The following EPHB2 variants were observed in gnomAD, a reference collection of about 807,000 sequenced individuals.
EPHB2 encodes the protein EPH receptor B2.
A neutral mutation model predicts 96.4 loss-of-function variants in EPHB2; 18 were observed. The observed-to-expected ratio is 0.19, with a 90% confidence interval of 0.13 to 0.28. The LOEUF is 0.28. EPHB2 is among the 10% of genes least tolerant of loss of function. The probability of loss-of-function intolerance (pLI) is 1.00; values close to 1 mark genes in which losing one functional copy is unlikely to be tolerated. For missense variants in EPHB2, 989 were observed against 1,355.4 expected (o/e 0.73, Z 4.25); for synonymous variants, 506 against 534.1 (o/e 0.95, Z 0.72).
chr1:22,805,287 G>A (rs1038567026), intron 3 of EPHB2, among the ~76,000 whole-genome samples: 3 of 152,146 alleles, frequency 2.0e-5, no homozygotes, highest in African/African-American at 7.2e-5. Flanking sequence ...GACCCCATTT[G>A]TGTGTCTCTG....
intron 1 of EPHB2, among the ~76,000 whole-genome samples, chr1:22,749,788 A>G (rs924409734): frequency 6.6e-6 from 1 of 152,110 alleles, no homozygotes; most frequent in African/African-American, 2.4e-5. Context: ...CAGACCCTAT[A>G]CTGGGGGCTG....
intron 3 of EPHB2, among the ~76,000 whole-genome samples, chr1:22,825,506 A>G (rs559932550): frequency 3.0e-4 from 45 of 152,288 alleles, no homozygotes; most frequent in Non-Finnish European, 5.3e-4. Flanking sequence ...CTTTGCTGCT[A>G]CCTTCAAGTC....
intron 1 of EPHB2, among the ~76,000 whole-genome samples, chr1:22,726,329 C>A (rs780557006): frequency 3.9e-5 from 6 of 152,172 alleles, no homozygotes; most frequent in Non-Finnish European, 4.4e-5. Flanking sequence ...ACCGTTAAGT[C>A]CCCACTAAGT....
In EPHB2 at chr1:22,764,908, G is replaced by A. The variant is rs376907144; in HGVS notation, c.62-16513G>A. Reference sequence around the variant, plus strand: ...GGCAGATACAAGAACTGCTTGATGGGGTTTCACCCTCGCCAGTTTGGGTTC... The same window carrying A: ...GGCAGATACAAGAACTGCTTGATGGAGTTTCACCCTCGCCAGTTTGGGTTC... On this transcript the variant is annotated intron_variant, in intron 1 of 15. Coordinates refer to ENST00000374630, the MANE Select transcript of EPHB2 (RefSeq NM_017449.5). Among the ~76,000 whole-genome samples the A allele has an allele frequency of 7.4e-4, 112 of 152,276 alleles. No individual in the cohort carries two copies. In the South Asian group the frequency reaches 8.1e-3, roughly 11 times the overall value.
intron 3 of EPHB2, among the ~76,000 whole-genome samples, chr1:22,857,177 A>T (rs1231610590): frequency 6.6e-6 from 1 of 152,180 alleles, no homozygotes; most frequent in African/African-American, 2.4e-5. Context: ...GTCAGGGTTT[A>T]ATGATCTCAA....
At chr1:22,788,764 T>G (rs879435402) in intron 3 of EPHB2, among the ~76,000 whole-genome samples, 132 of 151,052 alleles carry the variant, frequency 8.7e-4, no homozygotes, top group Admixed American at 1.9e-3. Flanking sequence ...TTTTTTTTTT[T>G]TTTTTTTTGT....
intron 5 of EPHB2, among the ~76,000 whole-genome samples, chr1:22,874,605 C>T (rs1638778952): frequency 1.3e-5 from 2 of 152,156 alleles, no homozygotes; most frequent in South Asian, 4.1e-4. Context: ...GGCATCCTGT[C>T]GGTCTCTTCC....
At position 22,918,183 on chromosome 1, in the gene EPHB2, A is replaced by G. The variant is rs1640316660; in HGVS notation, c.*4613A>G. 1 of 151,736 alleles carries G rather than the reference A, an allele frequency of 6.6e-6. No individual in the cohort carries two copies. The highest frequency in any genetic ancestry group is 1.5e-5 in the Non-Finnish European group (1 of 67,968). The allele number at this position is 151,736 out of a possible 1,614,324, so 9.4% of individuals were successfully genotyped here. A position where few individuals can be genotyped will look rare whatever the true frequency, so the allele number is the denominator to read the frequency against. ...AGGAATTGCCCCCGGAGCGGCCCTC[A>G]TTTATTCCAGGAGAAGCCAGGCCCT... is the stretch of plus-strand genomic sequence containing the variant. On this transcript the variant is annotated 3_prime_UTR_variant, in exon 16 of 16. Coordinates refer to ENST00000374630, the MANE Select transcript of EPHB2 (RefSeq NM_017449.5). The surrounding 1 kb of genome is among the most constrained non-coding windows in gnomAD (Gnocchi z 4.2).
intron 1 of EPHB2, among the ~76,000 whole-genome samples, chr1:22,743,210 T>C (rs1643926177): frequency 6.6e-6 from 1 of 152,056 alleles, no homozygotes; most frequent in Non-Finnish European, 1.5e-5. Context: ...CCTTTTTGAG[T>C]GCCAACTCTG....
At chr1:22,810,370 G>T (rs74061035) in intron 3 of EPHB2, among the ~76,000 whole-genome samples, 10,454 of 152,196 alleles carry the variant, frequency 0.069, 1,115 homozygotes, top group African/African-American at 0.23. Context: ...GGAGCTGGTG[G>T]ATTGCTTGGC....
At chr1:22,805,192 G>A (rs1173199295) in intron 3 of EPHB2, among the ~76,000 whole-genome samples, 16 of 152,030 alleles carry the variant, frequency 1.1e-4, no homozygotes. Flanking sequence ...TCAAATCCAT[G>A]TCCCACAGGG....
chr1:22,879,549 C>A (rs1335838110), intron 5 of EPHB2, among the ~76,000 whole-genome samples: 2 of 152,204 alleles, frequency 1.3e-5, no homozygotes, highest in African/African-American at 2.4e-5. Flanking sequence ...TGCTTTGAGA[C>A]CCAGAGGGGG....
chr1:22,730,379 G>A (rs1643681265), intron 1 of EPHB2, among the ~76,000 whole-genome samples: 1 of 152,204 alleles, frequency 6.6e-6, no homozygotes, highest in Admixed American at 6.5e-5. Flanking sequence ...TGGGGGTCTT[G>A]ACATCCCAAG....
rs1639438526 is a variant in EPHB2, at chr1:22,892,926, A to C, written c.1471A>C (p.Asn491His). 1 of 1,614,200 alleles carries C rather than the reference A, an allele frequency of 6.2e-7. No individual in the cohort carries two copies. The highest frequency in any genetic ancestry group is 8.5e-7 in the Non-Finnish European group (1 of 1,180,028). Residue 491 changes from asparagine (N) to histidine (H), a missense_variant, in exon 7 of 16, where the codon AAC becomes CAC. Asn to His is a moderately conservative substitution (Grantham distance 68). Coordinates refer to ENST00000374630, the MANE Select transcript of EPHB2 (RefSeq NM_017449.5). The part of the protein sequence containing the change: ...YNATAIKSPT[N>H]TVTVQGLKAG... ...CGCCACAGCCATAAAAAGCCCCACC[A>C]ACACGGTCACCGTGCAGGGCCTCAA...
Position 22,896,669 on chromosome 1 carries a change from T to G in EPHB2, c.1765+191T>G, listed in dbSNP as rs1278387002. ...GCGGTTCCCTCTGCCTCAAGCGCTC[T>G]CCCCCTTTCCCTTTACCCATGTAGC... On this transcript the variant is annotated intron_variant, in intron 9 of 15. Transcript: ENST00000374630. 3.3e-5 allele frequency among the ~76,000 whole-genome samples: 5 copies of G among 152,112 alleles called. No individual in the cohort carries two copies. In the East Asian group the frequency reaches 9.6e-4, roughly 29 times the overall value.
chr1:22,893,138 G>C, intron 7 of EPHB2, 92 bp downstream of exon 7: 2 of 1,596,704 alleles, frequency 1.3e-6, no homozygotes, highest in Non-Finnish European at 1.7e-6. Context: ...CCTTTGTGCA[G>C]ATTAGAAAAG....
intron 5 of EPHB2, among the ~76,000 whole-genome samples, chr1:22,869,383 CACAG>C (rs1050548817): frequency 3.3e-5 from 5 of 151,966 alleles, no homozygotes; most frequent in African/African-American, 9.7e-5. Context: ...AAAAATAAAA[CACAG>C]ACACAGAGCC....
intron 13 of EPHB2, 32 bp from the exon 14 acceptor site, chr1:22,910,350 C>T: frequency 6.2e-7 from 1 of 1,614,000 alleles, no homozygotes; most frequent in South Asian, 1.1e-5. Context: ...AGCCCATCCA[C>T]CCAACCCCAC....
At chr1:22,726,338 G>A (rs904422991) in intron 1 of EPHB2, among the ~76,000 whole-genome samples, 5 of 151,914 alleles carry the variant, frequency 3.3e-5, no homozygotes, top group Non-Finnish European at 5.9e-5. Flanking sequence ...TCCCCACTAA[G>A]TGCCAGGCAC....
Sources: allele counts gnomAD v4.1 joint callset (sites outside exome capture counted in the v4.1 genomes callset), GRCh38; gene constraint gnomAD v4.1.1; non-coding constraint Gnocchi (gnomAD v3.1); transcripts MANE v1.5; gene names NCBI Gene and HGNC (gene_info 2026-07-23, HGNC 2026-07-21).